PPP2R2C: variants seen among roughly 807,000 people sequenced by gnomAD.
The protein encoded by PPP2R2C is protein phosphatase 2 regulatory subunit Bgamma.
PPP2R2C carries 10 observed loss-of-function variants against 45.3 expected under a neutral mutation model. That is an observed-to-expected ratio of 0.22 (90% CI 0.14 to 0.37). The LOEUF (loss-of-function observed/expected upper bound fraction) is 0.37, where lower values mean the gene tolerates loss of function less well. Ranked by LOEUF, PPP2R2C falls within the 10% of genes least tolerant of loss-of-function variation. The pLI is 1.00. For missense variants in PPP2R2C, 308 were observed against 619.7 expected (o/e 0.50, Z 5.34); for synonymous variants, 257 against 245.4 (o/e 1.05, Z -0.44).
chr4:6,452,163 ACTG>A (rs1470051183), intron 1 of PPP2R2C, among the ~76,000 whole-genome samples: 2 of 152,060 alleles, frequency 1.3e-5, no homozygotes, highest in Non-Finnish European at 2.9e-5. Flanking sequence ...GGAGGGACCA[ACTG>A]CCTTCTGCTT....
intron 5 of PPP2R2C, among the ~76,000 whole-genome samples, chr4:6,362,523 G>A (rs1339872348): frequency 6.6e-6 from 1 of 152,172 alleles, no homozygotes; most frequent in Non-Finnish European, 1.5e-5. Flanking sequence ...CCTGCAATTG[G>A]GCCTGTCTTT....
intron 5 of PPP2R2C, among the ~76,000 whole-genome samples, chr4:6,351,538 A>G (rs114152554): frequency 0.01 from 1,591 of 152,254 alleles, 30 homozygotes; most frequent in African/African-American, 0.037. Context: ...AACCTGGGTC[A>G]GGACCCATGG....
intron 2 of PPP2R2C, among the ~76,000 whole-genome samples, chr4:6,527,798 A>G (rs964000294): frequency 6.6e-6 from 1 of 151,746 alleles, no homozygotes; most frequent in Non-Finnish European, 1.5e-5. Flanking sequence ...CATGGAGGAC[A>G]GGCCACCCCT....
At chr4:6,455,336 G>A (rs1293878328) in intron 1 of PPP2R2C, among the ~76,000 whole-genome samples, 1 of 152,132 alleles carries the variant, frequency 6.6e-6, no homozygotes, top group African/African-American at 2.4e-5. Context: ...AGGACAATGG[G>A]CATTCATAAG....
chr4:6,362,506 C>T (rs1211148674), intron 5 of PPP2R2C, among the ~76,000 whole-genome samples: 1 of 152,206 alleles, frequency 6.6e-6, no homozygotes, highest in Admixed American at 6.5e-5. Context: ...AACAACCTCC[C>T]ATCTATCCTG....
intron 2 of PPP2R2C, among the ~76,000 whole-genome samples, chr4:6,512,563 GTGGTGGTGATGGTGA>G (rs1366428622): frequency 0.027 from 2,922 of 108,908 alleles, 42 homozygotes; most frequent in African/African-American, 0.045. Context: ...GATGGTGGTG[GTGGTGGTGATGGTGA>G]TGGTGGTGAT....
Position 6,378,228 on chromosome 4 carries a change from G to C in PPP2R2C, c.334+179C>G, listed in dbSNP as rs141425636. On this transcript the variant is annotated intron_variant, in intron 3 of 8. Transcript: ENST00000382599. This position sits in a 1 kb window ranked among gnomAD's most constrained non-coding sequence, Gnocchi z 5.2. ...AGCCCTGTGTCCAGACACAGGGAGC[G>C]TCTGAGGGGGTCTGGCATACTCACT... The C allele has an allele frequency of 1.2e-6, 1 of 816,504 alleles. No homozygotes were observed. Among genetic ancestry groups the C allele is most frequent in the African/African-American group, 1.9e-5 (1 of 53,516 alleles). The allele number at this position is 816,504 out of a possible 1,614,324, so 50.6% of individuals were successfully genotyped here. A position where few individuals can be genotyped will look rare whatever the true frequency, so the allele number is the denominator to read the frequency against.
intron 2 of PPP2R2C, among the ~76,000 whole-genome samples, chr4:6,482,725 C>T (rs554198790): frequency 7.2e-5 from 11 of 152,354 alleles, no homozygotes; most frequent in African/African-American, 2.6e-4. Context: ...CCTTAACCCA[C>T]TTGCTGTCTA....
intron 2 of PPP2R2C, among the ~76,000 whole-genome samples, chr4:6,477,747 A>AAAAAC (rs1264634434): frequency 6.6e-6 from 1 of 151,288 alleles, no homozygotes; most frequent in African/African-American, 2.4e-5. Context: ...AAAAAAAAAA[A>AAAAAC]AAAAAACTGG....
intron 1 of PPP2R2C, chr4:6,381,689 C>G (rs2109314618): frequency 2.0e-6 from 3 of 1,531,298 alleles, no homozygotes; most frequent in African/African-American, 1.4e-5. Context: ...AAGCTCAGCC[C>G]TGCCTGCCCT....
In PPP2R2C at chr4:6,347,817, G is replaced by GC. The variant is rs745681088; in HGVS notation, c.790+28dup. On this transcript the variant is annotated intron_variant, in intron 6 of 8. Transcript: ENST00000382599. ...CACCCGCCCGCCTGCCCAATGCACA[G>GC]CCCCCCACCCCCAGGCACCGGCACT... The GC allele has an allele frequency of 1.4e-5, 15 of 1,058,484 alleles. No homozygotes were observed. The East Asian group carries it at 1.5e-4, about 11-fold the overall frequency. 65.6% of individuals were successfully genotyped at this position (1,058,484 alleles called of 1,614,324 possible). A position where few individuals can be genotyped will look rare whatever the true frequency, so the allele number is the denominator to read the frequency against.
intron 2 of PPP2R2C, among the ~76,000 whole-genome samples, chr4:6,484,069 C>A (rs1300092236): frequency 6.6e-6 from 1 of 152,024 alleles, no homozygotes; most frequent in Admixed American, 6.5e-5. Context: ...TACTTACTAT[C>A]TGGTCCTTTA....
intron 2 of PPP2R2C, among the ~76,000 whole-genome samples, chr4:6,501,734 C>G (rs1390270318): frequency 1.3e-5 from 2 of 152,216 alleles, no homozygotes; most frequent in Non-Finnish European, 2.9e-5. Context: ...GTGGCCTGGC[C>G]TTCCAGATAC....
chr4:6,408,795 G>A (rs1173939636), intron 1 of PPP2R2C, among the ~76,000 whole-genome samples: 1 of 152,080 alleles, frequency 6.6e-6, no homozygotes, highest in African/African-American at 2.4e-5. Context: ...TAGAGAGAAT[G>A]GAGCCTGGGG....
intron 1 of PPP2R2C, among the ~76,000 whole-genome samples, chr4:6,455,156 G>T (rs759480459): frequency 1.6e-4 from 25 of 152,250 alleles, no homozygotes; most frequent in Non-Finnish European, 2.5e-4. Context: ...TGCATTCGTG[G>T]ACTTACTCTT....
intron 1 of PPP2R2C, among the ~76,000 whole-genome samples, chr4:6,539,350 G>T (rs1424569200): frequency 2.0e-5 from 3 of 152,170 alleles, no homozygotes; most frequent in Non-Finnish European, 4.4e-5. Flanking sequence ...TGCCCACACT[G>T]TGACCTTGGA....
In PPP2R2C at chr4:6,328,216, A is replaced by G. The variant is rs868783615; in HGVS notation, c.1052+1046T>C. ...ACCCTCCTTGCCCACCACACTGGAC[A>G]GGACTGCGGGGAGGAGGTGACAGTA... is the stretch of plus-strand genomic sequence containing the variant. On this transcript the variant is annotated intron_variant, in intron 8 of 8. Coordinates refer to ENST00000382599, the MANE Select transcript of PPP2R2C (RefSeq NM_020416.4). The surrounding 1 kb of genome is among the most constrained non-coding windows in gnomAD (Gnocchi z 4.4). 2.8e-4 allele frequency among the ~76,000 whole-genome samples: 42 copies of G among 152,334 alleles called. No homozygotes were observed. Among genetic ancestry groups the G allele is most frequent in the African/African-American group, 9.6e-4 (40 of 41,582 alleles).
chr4:6,542,884 C>A (rs1019996442), intron 1 of PPP2R2C, among the ~76,000 whole-genome samples: 3 of 152,150 alleles, frequency 2.0e-5, no homozygotes, highest in African/African-American at 7.2e-5. Flanking sequence ...ATATTTACAA[C>A]CCATTTGAAC....
chr4:6,403,690 C>A (rs1238562822), intron 1 of PPP2R2C, among the ~76,000 whole-genome samples: 4 of 152,118 alleles, frequency 2.6e-5, no homozygotes, highest in Non-Finnish European at 2.9e-5. Flanking sequence ...TGGTGAAACC[C>A]CGCCTCTACT....
Sources: allele counts gnomAD v4.1 joint callset (sites outside exome capture counted in the v4.1 genomes callset), GRCh38; gene constraint gnomAD v4.1.1; non-coding constraint Gnocchi (gnomAD v3.1); transcripts MANE v1.5; gene names NCBI Gene and HGNC (gene_info 2026-07-23, HGNC 2026-07-21).